The following SASH1 variants were observed in gnomAD, a reference collection of about 807,000 sequenced individuals.
The protein encoded by SASH1 is SAM and SH3 domain containing 1.
A neutral mutation model predicts 125.2 loss-of-function variants in SASH1; 44 were observed. The observed-to-expected ratio is 0.35, with a 90% CI of 0.28 to 0.45. The LOEUF (loss-of-function observed/expected upper bound fraction) is 0.45, where lower values mean the gene tolerates loss of function less well. Among genes scored for constraint, SASH1 ranks in the 20% least tolerant of loss-of-function variants. The pLI, the probability that SASH1 is intolerant of heterozygous loss-of-function variation, is 1.00. For missense variants in SASH1, 1,426 were observed against 1,614.5 expected, an observed-to-expected ratio of 0.88 and a Z score of 2.00; for synonymous variants, 639 against 649.1, an observed-to-expected ratio of 0.98 and a Z score of 0.24.
chr6:148,368,345 A>T (rs752293976), intron 1 of SASH1, among the ~76,000 whole-genome samples: 17 of 152,118 alleles, frequency 1.1e-4, no homozygotes, highest in Non-Finnish European at 2.4e-4. Context: ...ATCTCGACTC[A>T]CTGTAACCTC....
At chr6:148,340,524 A>G (rs370606265), upstream of SASH1, among the ~76,000 whole-genome samples, 14 of 152,224 alleles carry the variant, frequency 9.2e-5, no homozygotes, top group South Asian at 2.9e-3. Flanking sequence ...GTGGTGAATA[A>G]ATTCAAATTC....
chr6:148,397,735 G>A (rs1171580431), intron 2 of SASH1, among the ~76,000 whole-genome samples: 1 of 152,166 alleles, frequency 6.6e-6, no homozygotes, highest in Non-Finnish European at 1.5e-5. Context: ...CACATAATAG[G>A]TGCCCAATAA....
intron 2 of SASH1, among the ~76,000 whole-genome samples, chr6:148,402,145 A>G (rs1425403299): frequency 4.6e-5 from 7 of 152,200 alleles, no homozygotes; most frequent in African/African-American, 1.2e-4. Flanking sequence ...CAATTAAGCT[A>G]TTCTGCATCA....
intron 8 of SASH1, among the ~76,000 whole-genome samples, chr6:148,496,142 A>T (rs1779303563): frequency 1.3e-5 from 2 of 152,062 alleles, no homozygotes; most frequent in Admixed American, 1.3e-4. Flanking sequence ...TTGATAAGGA[A>T]GTTTAAGAGA....
chr6:148,203,891 T>G, the SASH1 span, among the ~76,000 whole-genome samples: 1 of 152,188 alleles, frequency 6.6e-6, no homozygotes, highest in African/African-American at 2.4e-5. Context: ...GTAGAGAAAC[T>G]CTATCGTTTA....
chr6:148,389,147 T>C (rs1174994708), intron 1 of SASH1, among the ~76,000 whole-genome samples: 6 of 152,226 alleles, frequency 3.9e-5, no homozygotes, highest in Admixed American at 3.9e-4. Context: ...AGTATTACAC[T>C]GCGAGAAATT....
chr6:148,363,071 A>T (rs1213863532), intron 1 of SASH1, among the ~76,000 whole-genome samples: 1 of 152,110 alleles, frequency 6.6e-6, no homozygotes, highest in Non-Finnish European at 1.5e-5. Flanking sequence ...AGATATGCTG[A>T]TGTGGGGCAG....
At position 148,527,783 on chromosome 6, in the gene SASH1, C is replaced by T. The variant is rs2110198; in HGVS notation, c.1428+187C>T. On this transcript the variant is annotated intron_variant, in intron 12 of 19. Transcript: ENST00000367467. ...CACGTTTATTAAGCACTTTGGGCTGCTCAGCACCGTGCTTGGTGCTGGGAA... is the reference window on the plus strand; with the variant it reads ...CACGTTTATTAAGCACTTTGGGCTGTTCAGCACCGTGCTTGGTGCTGGGAA... Among the ~76,000 whole-genome samples the T allele has an allele frequency of 0.84, 127,873 of 152,264 alleles. 53,929 individuals are homozygous for T. Among genetic ancestry groups the T allele is most frequent in the Non-Finnish European group, 0.87 (59,347 of 68,020 alleles).
chr6:148,344,755 CTTT>C (rs762490919), intron 1 of SASH1, among the ~76,000 whole-genome samples: 1 of 143,528 alleles, frequency 7.0e-6, no homozygotes, highest in African/African-American at 2.6e-5. Context: ...TTTTTCTTTT[CTTT>C]TTTTTTTTTT....
intron 2 of SASH1, among the ~76,000 whole-genome samples, chr6:148,411,796 G>A (rs553464715): frequency 6.6e-6 from 1 of 152,234 alleles, no homozygotes; most frequent in Admixed American, 6.5e-5. Flanking sequence ...TGCCTGCCTC[G>A]GCCTCCCAAA....
chr6:148,423,789 C>T (rs894813867), intron 2 of SASH1, among the ~76,000 whole-genome samples: 1 of 152,126 alleles, frequency 6.6e-6, no homozygotes, highest in African/African-American at 2.4e-5. Context: ...TAGATGAAGA[C>T]ATAAATGTTT....
At chr6:148,250,106 C>T in the SASH1 span, among the ~76,000 whole-genome samples, 11 of 152,204 alleles carry the variant, frequency 7.2e-5, no homozygotes, top group Non-Finnish European at 1.6e-4. Flanking sequence ...GTGCTCTTAG[C>T]ATTGCCAGTC....
chr6:148,457,902 A>G (rs1777435935), intron 4 of SASH1, among the ~76,000 whole-genome samples: 1 of 152,216 alleles, frequency 6.6e-6, no homozygotes, highest in African/African-American at 2.4e-5. Flanking sequence ...ATCAGCTCTC[A>G]TGAGAACTCA....
At chr6:148,431,273 A>C (rs1776048531) in intron 2 of SASH1, among the ~76,000 whole-genome samples, 1 of 151,478 alleles carries the variant, frequency 6.6e-6, no homozygotes, top group African/African-American at 2.4e-5. Flanking sequence ...ATCTCGGCTC[A>C]CTGCAACCTC....
chr6:148,385,593 A>G (rs977350066), intron 1 of SASH1, among the ~76,000 whole-genome samples: 6 of 152,270 alleles, frequency 3.9e-5, no homozygotes, highest in Non-Finnish European at 7.4e-5. Flanking sequence ...GGGTTGGGAC[A>G]TTTAGCCCCA....
intron 19 of SASH1, among the ~76,000 whole-genome samples, chr6:148,547,713 G>A (rs890137768): frequency 5.3e-5 from 8 of 152,102 alleles, no homozygotes; most frequent in Non-Finnish European, 1.0e-4. Flanking sequence ...TTTCATACTC[G>A]TTAGCAAATC....
chr6:148,467,788 T>A (rs557440982), intron 4 of SASH1, among the ~76,000 whole-genome samples: 1 of 152,168 alleles, frequency 6.6e-6, no homozygotes, highest in Non-Finnish European at 1.5e-5. Context: ...AATACAAAAA[T>A]TAGCCAGGCG....
At position 148,519,676 on chromosome 6, in the gene SASH1, C is replaced by T. The variant is rs1422836291; in HGVS notation, c.992C>T (p.Ser331Phe). The T allele has an allele frequency of 1.9e-6, 3 of 1,614,128 alleles. No individual in the cohort carries two copies. The highest frequency in any genetic ancestry group is 1.6e-4 in the Middle Eastern group (1 of 6,062). The change falls in exon 10 of 20, where the codon TCT (serine) becomes TTT (phenylalanine). Residue 331 changes from serine (S) to phenylalanine (F), a missense_variant. Around this residue, in one of 3 missense-constraint regions of SASH1, gnomAD observed 567 missense variants for 575.6 expected, o/e 0.99. Coordinates refer to ENST00000367467, the MANE Select transcript of SASH1 (RefSeq NM_015278.5). The surrounding 1 kb of genome is among the most constrained non-coding windows in gnomAD (Gnocchi z 4.8). ...AAACCTCCCGAAGATGACTCAGACTCTCTCACCACGTCTCCATCCTCCAGC... is the reference window on the plus strand; with the variant it reads ...AAACCTCCCGAAGATGACTCAGACTTTCTCACCACGTCTCCATCCTCCAGC... ...PEKPPEDDSDSLTTSPSSSSL... is the reference protein window; with the variant it reads ...PEKPPEDDSDFLTTSPSSSSL...
At chr6:148,406,751 G>A (rs567849223) in intron 2 of SASH1, among the ~76,000 whole-genome samples, 62 of 152,228 alleles carry the variant, frequency 4.1e-4, no homozygotes, top group Non-Finnish European at 6.9e-4. Context: ...GCTCTCCAAG[G>A]GAGGAGCAGA....
Sources: allele counts gnomAD v4.1 joint callset (sites outside exome capture counted in the v4.1 genomes callset), GRCh38; gene constraint gnomAD v4.1.1; regional missense constraint gnomAD v4.1.1; non-coding constraint Gnocchi (gnomAD v3.1); transcripts MANE v1.5; gene names NCBI Gene and HGNC (gene_info 2026-07-23, HGNC 2026-07-21).